EPS15: variants seen among roughly 807,000 people sequenced by gnomAD.
The protein encoded by EPS15 is epidermal growth factor receptor pathway substrate 15.
In EPS15, 72 loss-of-function variants were observed where a neutral mutation model predicts 113.8. The observed-to-expected ratio is 0.63, with a 90% confidence interval of 0.52 to 0.77. The LOEUF is 0.77. Ranked by LOEUF, EPS15 falls within the 30% of genes least tolerant of loss-of-function variation. EPS15 has a pLI of 0.00. For missense variants in EPS15, 1,048 were observed against 1,045.8 expected, an observed-to-expected ratio of 1.00 and a Z score of -0.03; for synonymous variants, 344 against 363.4, an observed-to-expected ratio of 0.95 and a Z score of 0.61.
At chr1:51,449,594 G>A (rs1266181150) in intron 8 of EPS15, among the ~76,000 whole-genome samples, 3 of 150,738 alleles carry the variant, frequency 2.0e-5, no homozygotes, top group African/African-American at 7.5e-5. Flanking sequence ...AAAATTCATT[G>A]TTCTTTGTTA....
intron 21 of EPS15, among the ~76,000 whole-genome samples, chr1:51,370,292 G>C (rs1171361385): frequency 6.6e-6 from 1 of 152,198 alleles, no homozygotes; most frequent in Non-Finnish European, 1.5e-5. Flanking sequence ...AGTACACAAT[G>C]CAGGCTGAGT....
At chr1:51,415,154 T>C (rs1650087916) in intron 13 of EPS15, among the ~76,000 whole-genome samples, 1 of 152,192 alleles carries the variant, frequency 6.6e-6, no homozygotes, top group Admixed American at 6.5e-5. Flanking sequence ...TAAACTGAAC[T>C]ATTTTTCATA....
intron 13 of EPS15, among the ~76,000 whole-genome samples, chr1:51,418,416 G>A (rs551999858): frequency 2.6e-5 from 4 of 152,154 alleles, no homozygotes; most frequent in Non-Finnish European, 5.9e-5. Flanking sequence ...TTGGCCTTAA[G>A]ATTATTCTTG....
At chr1:51,476,309 T>C (rs538346438) in intron 2 of EPS15, among the ~76,000 whole-genome samples, 1 of 152,300 alleles carries the variant, frequency 6.6e-6, no homozygotes, top group East Asian at 1.9e-4. Context: ...GCCATTTTCA[T>C]GATATTGATT....
At chr1:51,402,275 A>T (rs562063630) in intron 18 of EPS15, among the ~76,000 whole-genome samples, 160 bp downstream of exon 18, 2 of 152,298 alleles carry the variant, frequency 1.3e-5, no homozygotes, top group South Asian at 4.1e-4. Context: ...TGAACCCAGG[A>T]GGCGGAGGTT....
chr1:51,415,496 A>G (rs1426947044), intron 13 of EPS15, among the ~76,000 whole-genome samples: 1 of 152,152 alleles, frequency 6.6e-6, no homozygotes, highest in Non-Finnish European at 1.5e-5. Context: ...AATATGAAAA[A>G]AGGTCTATAA....
At chr1:51,483,439 G>GTC (rs1553134631) in intron 1 of EPS15, among the ~76,000 whole-genome samples, 4 of 148,286 alleles carry the variant, frequency 2.7e-5, no homozygotes, top group Non-Finnish European at 4.5e-5. Flanking sequence ...GTGTGTGTGT[G>GTC]TCTCATACTG....
intron 21 of EPS15, among the ~76,000 whole-genome samples, chr1:51,374,996 CTTTTTTTTT>C (rs761941054): frequency 1.0e-4 from 11 of 108,772 alleles, no homozygotes; most frequent in African/African-American, 3.7e-4. Flanking sequence ...TAATATACTT[CTTTTTTTTT>C]TTTTTTTTTT....
chr1:51,441,709 G>T (rs1388281340), intron 11 of EPS15, among the ~76,000 whole-genome samples: 1 of 151,974 alleles, frequency 6.6e-6, no homozygotes, highest in Non-Finnish European at 1.5e-5. Flanking sequence ...CTGAAAAGTG[G>T]GTAGTAGGTA....
At chr1:51,459,726 A>T (rs980394877) in intron 8 of EPS15, among the ~76,000 whole-genome samples, 2 of 152,072 alleles carry the variant, frequency 1.3e-5, no homozygotes, top group African/African-American at 2.4e-5. Flanking sequence ...AGTAACAAAA[A>T]CCAACCAAAC....
chr1:51,421,737 T>C lies in EPS15; in HGVS notation c.1113+49A>G, dbSNP rs1650777307. ...AGTAAATAACCATATAAATTTAAAA[T>C]GAATAGTCCTAAATCAGCAGTGGAA... is the stretch of plus-strand genomic sequence containing the variant. On this transcript the variant is annotated intron_variant, in intron 13 of 24. Coordinates refer to ENST00000371733, the MANE Select transcript of EPS15 (RefSeq NM_001981.3). 7 of 1,154,224 alleles carry C rather than the reference T, an allele frequency of 6.1e-6. No individual in the cohort carries two copies. The South Asian group carries it at 1.5e-4, about 25-fold the overall frequency. The allele number at this position is 1,154,224 out of a possible 1,614,324, so 71.5% of individuals were successfully genotyped here. A position where few individuals can be genotyped will look rare whatever the true frequency, so the allele number is the denominator to read the frequency against.
intron 2 of EPS15, among the ~76,000 whole-genome samples, chr1:51,473,953 A>C (rs1479532677): frequency 6.6e-6 from 1 of 152,230 alleles, no homozygotes; most frequent in Admixed American, 6.5e-5. Context: ...ACCTGCCTGT[A>C]GAATTCTTCA....
chr1:51,431,207 TATG>T (rs1189001429), intron 12 of EPS15, among the ~76,000 whole-genome samples: 2 of 152,132 alleles, frequency 1.3e-5, no homozygotes, highest in Non-Finnish European at 2.9e-5. Context: ...TCTGTGAAAG[TATG>T]ATGGTACTAT....
At chr1:51,393,732 A>C (rs2148405071) in intron 21 of EPS15, among the ~76,000 whole-genome samples, 1 of 152,300 alleles carries the variant, frequency 6.6e-6, no homozygotes. Context: ...TTTTAAATGA[A>C]CAGTAGAAAA....
intron 23 of EPS15, among the ~76,000 whole-genome samples, chr1:51,363,279 C>G (rs989163571): frequency 7.9e-6 from 1 of 127,192 alleles, no homozygotes. Flanking sequence ...GCCTGGGCAA[C>G]AGAGCGAGAT....
intron 6 of EPS15, among the ~76,000 whole-genome samples, chr1:51,464,461 C>T (rs983003054): frequency 2.3e-4 from 35 of 151,896 alleles, no homozygotes; most frequent in African/African-American, 8.5e-4. Context: ...AGGCTGGTCT[C>T]GAACTCCTGA....
chr1:51,404,098 G>A (rs531949086), intron 16 of EPS15, among the ~76,000 whole-genome samples: 1 of 152,176 alleles, frequency 6.6e-6, no homozygotes, highest in South Asian at 2.1e-4. Flanking sequence ...TGTAATCCCA[G>A]CACTTTGGGA....
intron 1 of EPS15, among the ~76,000 whole-genome samples, chr1:51,482,097 G>A (rs1294067179): frequency 6.6e-6 from 1 of 152,144 alleles, no homozygotes; most frequent in African/African-American, 2.4e-5. Context: ...CTCAGCCCAG[G>A]CAGTTGTGGC....
intron 21 of EPS15, chr1:51,372,420 A>T: frequency 3.7e-6 from 2 of 535,000 alleles, no homozygotes; most frequent in Non-Finnish European, 7.6e-6. Context: ...TGTATCCAAC[A>T]GTTCTGGAGT....
Sources: allele counts gnomAD v4.1 joint callset (sites outside exome capture counted in the v4.1 genomes callset), GRCh38; gene constraint gnomAD v4.1.1; transcripts MANE v1.5; gene names NCBI Gene and HGNC (gene_info 2026-07-23, HGNC 2026-07-21).